Variants in ANKRD42 observed in about 807,000 individuals in gnomAD.
ANKRD42 encodes the protein ankyrin repeat domain-containing protein 42.
ANKRD42 carries 43 observed loss-of-function variants against 51.5 expected under a neutral mutation model. The ratio of observed to expected loss-of-function variants is 0.83; its 90% confidence interval spans 0.65 to 1.08. The LOEUF (loss-of-function observed/expected upper bound fraction) is 1.08. ANKRD42 is among the 50% of genes least tolerant of loss of function. The probability of loss-of-function intolerance (pLI) is 0.00; values close to 1 mark genes in which losing one functional copy is unlikely to be tolerated. For synonymous variants in ANKRD42, 203 were observed against 213.0 expected, an observed-to-expected ratio of 0.95 and a Z score of 0.41; for missense variants, 608 against 629.3, an observed-to-expected ratio of 0.97 and a Z score of 0.36.
intron 1 of ANKRD42, 104 bp downstream of exon 1, chr11:83,194,832 C>G: frequency 8.5e-7 from 1 of 1,176,456 alleles, no homozygotes; most frequent in Non-Finnish European, 1.2e-6. Flanking sequence ...TCAGCCGTCA[C>G]TCCCCCCTTT....
intron 5 of ANKRD42, among the ~76,000 whole-genome samples, chr11:83,219,903 C>A (rs944000384): frequency 6.6e-6 from 1 of 152,200 alleles, no homozygotes; most frequent in Non-Finnish European, 1.5e-5. Context: ...CCCTGGAGGG[C>A]ACCATGAACA....
chr11:83,233,224 T>C (rs1423271662), intron 7 of ANKRD42, among the ~76,000 whole-genome samples: 2 of 151,858 alleles, frequency 1.3e-5, no homozygotes, highest in African/African-American at 4.8e-5. Context: ...TTTTTTTTTT[T>C]TTTTTAACTG....
chr11:83,243,444 G>C (rs1270789420), intron 9 of ANKRD42, among the ~76,000 whole-genome samples: 1 of 152,066 alleles, frequency 6.6e-6, no homozygotes, highest in East Asian at 1.9e-4. Context: ...ATTAATCTTA[G>C]TTCTTACCTC....
chr11:83,229,719 A>C (rs1474974114), intron 7 of ANKRD42, among the ~76,000 whole-genome samples: 1 of 152,104 alleles, frequency 6.6e-6, no homozygotes, highest in Admixed American at 6.5e-5. Flanking sequence ...TTTGCTCTTC[A>C]CCCTCTTTTC....
chr11:83,224,637 G>A (rs1463517738), intron 5 of ANKRD42, among the ~76,000 whole-genome samples: 1 of 151,936 alleles, frequency 6.6e-6, no homozygotes, highest in Non-Finnish European at 1.5e-5. Context: ...AATAAATTCT[G>A]CCAGGCATGG....
At position 83,242,628 on chromosome 11, in the gene ANKRD42, C is replaced by T. The variant is rs187640091; in HGVS notation, c.1195+1694C>T. Among the ~76,000 whole-genome samples, 24 of 142,952 alleles carry T rather than the reference C, an allele frequency of 1.7e-4. No individual in the cohort carries two copies. In the East Asian group the frequency reaches 4.3e-3, roughly 26 times the overall value. The allele number at this position is 142,952 out of a possible 152,430, so 93.8% of individuals were successfully genotyped here. A position where few individuals can be genotyped will look rare whatever the true frequency, so the allele number is the denominator to read the frequency against. Reference sequence around the variant, plus strand: ...GTCGCCAGGCTGGAGTGCAGTGGCACGATCTTGGCTCACTGCAACCTCCGC... The same window carrying T: ...GTCGCCAGGCTGGAGTGCAGTGGCATGATCTTGGCTCACTGCAACCTCCGC... On this transcript the variant is annotated intron_variant, in intron 9 of 10. Coordinates refer to ENST00000533342, the MANE Select transcript of ANKRD42 (RefSeq NM_001300975.2).
At chr11:83,255,728 C>G (rs1347877656) in intron 11 of ANKRD42, 2 of 678,786 alleles carry the variant, frequency 2.9e-6, no homozygotes, top group Non-Finnish European at 4.7e-6. Flanking sequence ...GAAATTTAAT[C>G]AGAGTTGAAA....
chr11:83,211,469 T>G (rs1036415077), intron 5 of ANKRD42, 39 bp downstream of exon 5: 4 of 1,599,730 alleles, frequency 2.5e-6, no homozygotes, highest in African/African-American at 2.7e-5. Flanking sequence ...TTTTCATTGA[T>G]GTAAACTTTT....
chr11:83,214,365 A>C, intron 5 of ANKRD42: 1 of 920,368 alleles, frequency 1.1e-6, no homozygotes, highest in Non-Finnish European at 1.3e-6. Context: ...TTCCGTGTGT[A>C]ATACAAGGTA....
intron 2 of ANKRD42, 27 bp downstream of exon 2, chr11:83,198,669 TG>T: frequency 6.5e-7 from 1 of 1,539,900 alleles, no homozygotes; most frequent in South Asian, 1.2e-5. Context: ...ATCACTAAAC[TG>T]AGGTAAGTTT....
At position 83,248,898 on chromosome 11, in the gene ANKRD42, T is replaced by A; in HGVS notation, c.*694T>A. On this transcript the variant is annotated 3_prime_UTR_variant, in exon 11 of 11. Transcript: ENST00000533342. ...TCTATGCATATGCAAATATAACCAC[T>A]TCCTCAGTTTCTCTGGGTTTTGGTG... 2 of 982,762 alleles carry A rather than the reference T, an allele frequency of 2.0e-6. No individual in the cohort carries two copies. Among genetic ancestry groups the A allele is most frequent in the Non-Finnish European group, 2.4e-6 (2 of 827,508 alleles). 60.9% of individuals were successfully genotyped at this position (982,762 alleles called of 1,614,324 possible).
downstream of ANKRD42, chr11:83,261,798 CT>C: frequency 4.1e-6 from 3 of 724,074 alleles, no homozygotes; most frequent in Non-Finnish European, 7.1e-6. Flanking sequence ...TCCGTATACA[CT>C]TCGAATAATC....
At chr11:83,232,450 C>T (rs762975700) in intron 7 of ANKRD42, among the ~76,000 whole-genome samples, 1 of 152,132 alleles carries the variant, frequency 6.6e-6, no homozygotes, top group Non-Finnish European at 1.5e-5. Context: ...TTGTGTTCTG[C>T]AACTTTACTG....
In ANKRD42 at chr11:83,248,876, A is replaced by G. The variant is rs1591013475; in HGVS notation, c.*672A>G. On this transcript the variant is annotated 3_prime_UTR_variant, in exon 11 of 11. Coordinates refer to ENST00000533342, the MANE Select transcript of ANKRD42 (RefSeq NM_001300975.2). ...TCTGCAAACATGTATGTGTATTTCT[A>G]TGCATATGCAAATATAACCACTTCC... The G allele has an allele frequency of 1.0e-6, 1 of 983,204 alleles. No individual in the cohort carries two copies. The highest frequency in any genetic ancestry group is 6.1e-5 in the Admixed American group (1 of 16,292). The allele number at this position is 983,204 out of a possible 1,614,324, so 60.9% of individuals were successfully genotyped here.
intron 5 of ANKRD42, among the ~76,000 whole-genome samples, chr11:83,222,436 A>G (rs555244402): frequency 1.3e-5 from 2 of 152,290 alleles, no homozygotes; most frequent in African/African-American, 2.4e-5. Flanking sequence ...AGCAAAATAT[A>G]TATTATATAG....
At chr11:83,209,971 G>C (rs1862243453) in intron 3 of ANKRD42, 1 of 353,284 alleles carries the variant, frequency 2.8e-6, no homozygotes, top group African/African-American at 2.1e-5. Context: ...TAAACTTGCT[G>C]TTTTTGTTTT....
chr11:83,222,935 A>G (rs1444797297), intron 5 of ANKRD42, among the ~76,000 whole-genome samples: 2 of 152,092 alleles, frequency 1.3e-5, no homozygotes, highest in Non-Finnish European at 2.9e-5. Context: ...CAGGAGTGAC[A>G]TGATCTGACC....
intron 5 of ANKRD42, among the ~76,000 whole-genome samples, chr11:83,216,384 C>T (rs988119487): frequency 6.6e-6 from 1 of 151,016 alleles, no homozygotes; most frequent in South Asian, 2.1e-4. Flanking sequence ...AGTGCAGTGG[C>T]GCAATCTCGG....
chr11:83,195,329 AG>A (rs1425987013), intron 1 of ANKRD42, among the ~76,000 whole-genome samples: 1 of 152,168 alleles, frequency 6.6e-6, no homozygotes, highest in Non-Finnish European at 1.5e-5. Context: ...CCTTCTAGTG[AG>A]GAAGATAAAT....
Sources: gnomAD v4.1 joint callset for allele counts (sites outside exome capture counted in the v4.1 genomes callset) on GRCh38, gnomAD v4.1.1 for gene constraint, MANE v1.5 for transcripts, NCBI Gene and HGNC (gene_info 2026-07-23, HGNC 2026-07-21) for gene names.